WIPF3: variants seen among roughly 807,000 people sequenced by gnomAD.
WIPF3 encodes WAS/WASL-interacting protein family member 3.
Under a neutral mutation model 38.9 loss-of-function variants are expected in WIPF3, and 33 were observed. The ratio of observed to expected loss-of-function variants is 0.85; its 90% CI spans 0.64 to 1.14. The LOEUF is 1.14. WIPF3 is among the 50% of genes most tolerant of loss of function. The pLI is 0.00. For synonymous variants in WIPF3, 324 were observed against 269.3 expected (o/e 1.20, Z -1.99); for missense variants, 711 against 652.5 (o/e 1.09, Z -0.98).
intron 2 of WIPF3, among the ~76,000 whole-genome samples, chr7:29,839,811 T>C (rs530681310): frequency 3.9e-5 from 6 of 152,342 alleles, no homozygotes; most frequent in African/African-American, 1.4e-4. Context: ...GCCACACTCA[T>C]GCAATTTGTC....
chr7:29,811,253 T>TGA (rs778341095), intron 1 of WIPF3, among the ~76,000 whole-genome samples: 10 of 96,474 alleles, frequency 1.0e-4, no homozygotes, highest in African/African-American at 1.4e-4. Flanking sequence ...CAATTAGCCA[T>TGA]TATGATGATG....
chr7:29,897,112 T>A (rs1433920840), intron 7 of WIPF3, among the ~76,000 whole-genome samples: 1 of 152,200 alleles, frequency 6.6e-6, no homozygotes, highest in Non-Finnish European at 1.5e-5. Flanking sequence ...CTGGTTTATT[T>A]TACTTAGCTT....
chr7:29,900,703 C>G (rs1786257657), intron 7 of WIPF3, among the ~76,000 whole-genome samples: 1 of 152,202 alleles, frequency 6.6e-6, no homozygotes, highest in Non-Finnish European at 1.5e-5. Flanking sequence ...CAAGAAAGGC[C>G]CTTTGAGGTC....
chr7:29,840,898 A>G (rs1330682880), intron 2 of WIPF3, among the ~76,000 whole-genome samples: 1 of 152,284 alleles, frequency 6.6e-6, no homozygotes, highest in East Asian at 1.9e-4. Flanking sequence ...AGCCAGGGTG[A>G]TCGGACATAC....
At chr7:29,816,689 A>G (rs1784463544) in intron 1 of WIPF3, among the ~76,000 whole-genome samples, 1 of 152,100 alleles carries the variant, frequency 6.6e-6, no homozygotes, top group African/African-American at 2.4e-5. Context: ...TGTGGAGATC[A>G]TTCCAGGTTC....
chr7:29,873,732 G>A (rs1053190917), intron 2 of WIPF3, among the ~76,000 whole-genome samples: 3 of 152,130 alleles, frequency 2.0e-5, no homozygotes, highest in Admixed American at 6.5e-5. Flanking sequence ...CCTCTCAGGG[G>A]TTCAAAAGCT....
rs376613520 is a variant in WIPF3, at chr7:29,865,221, C to A, written c.91-10609C>A. 4.7e-4 allele frequency among the ~76,000 whole-genome samples: 71 copies of A among 152,154 alleles called. No individual in the cohort carries two copies. In the South Asian group the frequency reaches 0.014, roughly 31 times the overall value. Reference sequence around the variant, plus strand: ...CAACCGAGGTGATGGGACTCTGGAGCCCTCATTTTTAACTGCAAAGAGGGG... The same window carrying A: ...CAACCGAGGTGATGGGACTCTGGAGACCTCATTTTTAACTGCAAAGAGGGG... On this transcript the variant is annotated intron_variant, in intron 2 of 8. Transcript: ENST00000242140.
intron 1 of WIPF3, among the ~76,000 whole-genome samples, chr7:29,807,459 G>A (rs1482929355): frequency 1.3e-5 from 2 of 152,216 alleles, no homozygotes; most frequent in African/African-American, 4.8e-5. Context: ...TGGCGGGGAG[G>A]GCGGGCACCC....
intron 2 of WIPF3, among the ~76,000 whole-genome samples, chr7:29,843,400 C>T (rs535645229): frequency 2.2e-4 from 33 of 152,238 alleles, no homozygotes; most frequent in Non-Finnish European, 4.4e-4. Flanking sequence ...GAAAAGCCTG[C>T]GAGCGCTTGT....
intron 2 of WIPF3, among the ~76,000 whole-genome samples, chr7:29,843,179 T>C (rs1784942079): frequency 6.6e-6 from 1 of 152,218 alleles, no homozygotes; most frequent in South Asian, 2.1e-4. Context: ...AATGAGCTAG[T>C]GTTGGCAGCA....
intron 7 of WIPF3, among the ~76,000 whole-genome samples, chr7:29,895,103 G>A (rs1354307300): frequency 4.0e-5 from 6 of 151,840 alleles, no homozygotes; most frequent in African/African-American, 1.5e-4. Context: ...ACCACACCCA[G>A]CTAATTTTTG....
rs975630604 is a variant in WIPF3, at chr7:29,893,152, T to G, written c.1351+3745T>G. Among the ~76,000 whole-genome samples the G allele has an allele frequency of 3.7e-4, 56 of 151,202 alleles. 1 individual carries two copies. The highest frequency in any genetic ancestry group is 7.4e-5 in the Non-Finnish European group (5 of 67,858). ...AGTGATCAGGGTTTGGAGAACCAGG[T>G]GCAGATGGGATCAAGGAAAGTGGAG... On this transcript the variant is annotated intron_variant, in intron 7 of 8. Transcript: ENST00000242140.
At chr7:29,895,828 C>T (rs75386527) in intron 7 of WIPF3, among the ~76,000 whole-genome samples, 3,012 of 152,264 alleles carry the variant, frequency 0.02, 32 homozygotes, top group South Asian at 0.057. Flanking sequence ...GGATCTGCCC[C>T]CATGACTCAG....
At chr7:29,854,109 C>G (rs548599791) in intron 2 of WIPF3, among the ~76,000 whole-genome samples, 4 of 152,290 alleles carry the variant, frequency 2.6e-5, no homozygotes, top group Admixed American at 2.6e-4. Flanking sequence ...AGTGAGGCAC[C>G]CGGCCTTTGG....
intron 4 of WIPF3, among the ~76,000 whole-genome samples, chr7:29,882,207 G>A (rs1327591008): frequency 6.6e-6 from 1 of 152,196 alleles, no homozygotes; most frequent in Non-Finnish European, 1.5e-5. Flanking sequence ...GGTGTCCTCA[G>A]TTACTTAAAA....
At chr7:29,845,292 G>T (rs1285446242) in intron 2 of WIPF3, among the ~76,000 whole-genome samples, 1 of 152,132 alleles carries the variant, frequency 6.6e-6, no homozygotes, top group African/African-American at 2.4e-5. Flanking sequence ...CTAGCAGTGC[G>T]GGGCACATAG....
chr7:29,838,327 A>G (rs539072032), intron 2 of WIPF3, among the ~76,000 whole-genome samples: 2 of 152,298 alleles, frequency 1.3e-5, no homozygotes, highest in South Asian at 4.1e-4. Context: ...TGTCAGTAAA[A>G]AATGGACCTA....
intron 8 of WIPF3, among the ~76,000 whole-genome samples, chr7:29,913,479 C>T (rs775480697): frequency 2.6e-5 from 4 of 151,940 alleles, no homozygotes; most frequent in Non-Finnish European, 4.4e-5. Context: ...CTTCTTTTGG[C>T]GTTTATGCAA....
intron 7 of WIPF3, among the ~76,000 whole-genome samples, chr7:29,901,848 AAG>A (rs1300493323): frequency 1.1e-4 from 3 of 28,510 alleles, no homozygotes; most frequent in African/African-American, 1.4e-4. Context: ...AAAAAAAAAA[AAG>A]AAAGAAAGAA....
Sources: gnomAD v4.1 joint callset for allele counts (sites outside exome capture counted in the v4.1 genomes callset) on GRCh38, gnomAD v4.1.1 for gene constraint, MANE v1.5 for transcripts, NCBI Gene and HGNC (gene_info 2026-07-23, HGNC 2026-07-21) for gene names.